The following FHIT variants were observed in gnomAD, a reference collection of about 807,000 sequenced individuals.
The protein encoded by FHIT is fragile histidine triad diadenosine triphosphatase.
A neutral mutation model predicts 17.9 loss-of-function variants in FHIT; 19 were observed. The ratio of observed to expected loss-of-function variants is 1.06; its 90% confidence interval spans 0.74 to 1.56. The LOEUF (loss-of-function observed/expected upper bound fraction) is 1.56. Among genes scored for constraint, FHIT ranks in the 40% most tolerant of loss-of-function variants. FHIT has a pLI of 0.00. For synonymous variants in FHIT, 81 were observed against 69.7 expected (o/e 1.16, Z -0.81); for missense variants, 248 against 189.2 (o/e 1.31, Z -1.82).
chr3:59,902,744 T>C (rs1462147668), intron 8 of FHIT, among the ~76,000 whole-genome samples: 1 of 152,090 alleles, frequency 6.6e-6, no homozygotes, highest in Non-Finnish European at 1.5e-5. Context: ...CCTAAAATAT[T>C]CAAACTGTTA....
intron 4 of FHIT, among the ~76,000 whole-genome samples, chr3:60,669,684 A>G (rs554463123): frequency 2.2e-4 from 34 of 152,336 alleles, no homozygotes; most frequent in African/African-American, 7.7e-4. Flanking sequence ...GGAATCCCCA[A>G]ATAGACCTCA....
At chr3:61,100,930 T>C (rs1483761469) in intron 2 of FHIT, among the ~76,000 whole-genome samples, 1 of 152,208 alleles carries the variant, frequency 6.6e-6, no homozygotes, top group Non-Finnish European at 1.5e-5. Context: ...TGTAAATTTG[T>C]TTGAGTTCTT....
chr3:60,776,001 C>A (rs782141757), intron 4 of FHIT, among the ~76,000 whole-genome samples: 9 of 152,198 alleles, frequency 5.9e-5, no homozygotes, highest in Non-Finnish European at 1.2e-4. Flanking sequence ...CTTTCCCCTT[C>A]TCTACCCCAT....
At chr3:61,092,249 CTACTT>C (rs1411236126) in intron 2 of FHIT, among the ~76,000 whole-genome samples, 1 of 152,024 alleles carries the variant, frequency 6.6e-6, no homozygotes, top group Non-Finnish European at 1.5e-5. Context: ...AGGGAAAAAT[CTACTT>C]TATAACTCAA....
chr3:60,810,199 G>T (rs1701531694), intron 4 of FHIT, among the ~76,000 whole-genome samples: 1 of 152,110 alleles, frequency 6.6e-6, no homozygotes, highest in African/African-American at 2.4e-5. Context: ...TTCATCAGCT[G>T]GCAGAATGAT....
intron 2 of FHIT, among the ~76,000 whole-genome samples, chr3:61,113,108 A>T (rs1165914519): frequency 6.6e-6 from 1 of 151,892 alleles, no homozygotes; most frequent in Non-Finnish European, 1.5e-5. Flanking sequence ...AGCTCAAGAG[A>T]TCCTCCCATC....
chr3:60,323,609 T>C (rs947869248), intron 5 of FHIT, among the ~76,000 whole-genome samples: 8 of 152,200 alleles, frequency 5.3e-5, no homozygotes, highest in Non-Finnish European at 1.0e-4. Flanking sequence ...CCCATCTGTG[T>C]TGATCTTCAT....
chr3:60,229,103 C>G (rs17062548), intron 5 of FHIT, among the ~76,000 whole-genome samples: 4,261 of 152,250 alleles, frequency 0.028, 79 homozygotes, highest in Middle Eastern at 0.085. Context: ...TGCAGAAACT[C>G]AGGGACAGTG....
At chr3:60,233,072 T>C (rs529173357) in intron 5 of FHIT, among the ~76,000 whole-genome samples, 2 of 152,216 alleles carry the variant, frequency 1.3e-5, no homozygotes, top group African/African-American at 4.8e-5. Flanking sequence ...ATAGGTAAAA[T>C]AAGATAGACC....
chr3:60,658,043 G>C (rs911026372), intron 4 of FHIT, among the ~76,000 whole-genome samples: 3 of 151,936 alleles, frequency 2.0e-5, no homozygotes, highest in Non-Finnish European at 4.4e-5. Context: ...TCTATCTCCA[G>C]AACTCTTCAT....
chr3:60,326,735 G>C (rs1709713811), intron 5 of FHIT, among the ~76,000 whole-genome samples: 1 of 152,190 alleles, frequency 6.6e-6, no homozygotes, highest in South Asian at 2.1e-4. Flanking sequence ...TGAGTCCAGA[G>C]CTACTAGTAG....
At chr3:61,147,590 C>T (rs2037261980) in intron 2 of FHIT, among the ~76,000 whole-genome samples, 1 of 151,876 alleles carries the variant, frequency 6.6e-6, no homozygotes, top group Non-Finnish European at 1.5e-5. Context: ...TTGAGACCTT[C>T]ATGGCTATTC....
chr3:60,429,999 C>T (rs779938305), intron 5 of FHIT, among the ~76,000 whole-genome samples: 1 of 151,860 alleles, frequency 6.6e-6, no homozygotes, highest in Non-Finnish European at 1.5e-5. Flanking sequence ...AAGCCCGTGC[C>T]TTAAGAAGTT....
At chr3:61,028,619 T>C (rs1204647827) in intron 3 of FHIT, among the ~76,000 whole-genome samples, 1 of 152,184 alleles carries the variant, frequency 6.6e-6, no homozygotes, top group Non-Finnish European at 1.5e-5. Context: ...TTACTTGGCC[T>C]CTCTAAGCCT....
At chr3:60,003,874 T>A (rs1358466936) in intron 7 of FHIT, among the ~76,000 whole-genome samples, 1 of 143,022 alleles carries the variant, frequency 7.0e-6, no homozygotes, top group Non-Finnish European at 1.5e-5. Context: ...TTTTTTTTTT[T>A]AACAGAATTG....
chr3:60,427,285 T>C (rs1260717388), intron 5 of FHIT, among the ~76,000 whole-genome samples: 1 of 152,024 alleles, frequency 6.6e-6, no homozygotes, highest in African/African-American at 2.4e-5. Context: ...AGATAATGGG[T>C]GCCCCAGTCC....
At chr3:59,865,330 C>T (rs1325370152) in intron 8 of FHIT, among the ~76,000 whole-genome samples, 1 of 152,218 alleles carries the variant, frequency 6.6e-6, no homozygotes, top group African/African-American at 2.4e-5. Flanking sequence ...AATCCTTCTC[C>T]CCATGAAGAA....
At position 60,455,513 on chromosome 3, in the gene FHIT, A is replaced by C. The variant is rs118075880; in HGVS notation, c.103+81347T>G. On this transcript the variant is annotated intron_variant, in intron 5 of 9. Coordinates refer to ENST00000492590, the MANE Select transcript of FHIT (RefSeq NM_002012.4). Reference sequence around the variant, plus strand: ...AGTTTAGTGTGAGGATCAAAATGTGATAATGTTTTGTTGAGCACAGAGATA... The same window carrying C: ...AGTTTAGTGTGAGGATCAAAATGTGCTAATGTTTTGTTGAGCACAGAGATA... Among the ~76,000 whole-genome samples, 5 of 152,306 alleles carry C rather than the reference A, an allele frequency of 3.3e-5. No individual in the cohort carries two copies. In the East Asian group the frequency reaches 9.7e-4, roughly 29 times the overall value.
chr3:60,397,224 T>C (rs1701480049), intron 5 of FHIT, among the ~76,000 whole-genome samples: 1 of 152,190 alleles, frequency 6.6e-6, no homozygotes, highest in Non-Finnish European at 1.5e-5. Flanking sequence ...CAGCTTGCCC[T>C]TTGCATTAGC....
Sources: allele counts gnomAD v4.1 joint callset (sites outside exome capture counted in the v4.1 genomes callset), GRCh38; gene constraint gnomAD v4.1.1; transcripts MANE v1.5; gene names NCBI Gene and HGNC (gene_info 2026-07-23, HGNC 2026-07-21).